The following LMF1 variants were observed in gnomAD, a reference collection of about 807,000 sequenced individuals.
LMF1 encodes lipase maturation factor 1, also known as transmembrane protein 112.
In LMF1, 68 loss-of-function variants were observed where a neutral mutation model predicts 60.6. The ratio of observed to expected loss-of-function variants is 1.12; its 90% confidence interval spans 0.92 to 1.37. LMF1 has a LOEUF of 1.37. LMF1 is among the 40% of genes most tolerant of loss of function. The pLI, the probability that LMF1 is intolerant of heterozygous loss-of-function variation, is 0.00. For missense variants in LMF1, 948 were observed against 767.2 expected (o/e 1.24, Z -2.78); for synonymous variants, 418 against 324.7 (o/e 1.29, Z -3.09).
At chr16:857,213 C>T (rs1324810679) in intron 10 of LMF1, among the ~76,000 whole-genome samples, 1 of 152,232 alleles carries the variant, frequency 6.6e-6, no homozygotes, top group Non-Finnish European at 1.5e-5. Flanking sequence ...GTGACGGCTG[C>T]CGTAAACCTC....
chr16:943,998 C>T (rs1303065647), intron 2 of LMF1, among the ~76,000 whole-genome samples: 1 of 152,182 alleles, frequency 6.6e-6, no homozygotes, highest in Non-Finnish European at 1.5e-5. Flanking sequence ...ATGAGTCTGT[C>T]TGGTAAGCAG....
chr16:950,978 CAGTCAGCCAATGACAG>C (rs1340538803), intron 2 of LMF1, among the ~76,000 whole-genome samples: 9 of 149,058 alleles, frequency 6.0e-5, no homozygotes, highest in South Asian at 2.1e-4. Context: ...CAGCCAACAA[CAGTCAGCCAATGACAG>C]AGTCAGCCAA....
chr16:950,080 GACA>G (rs1346925258), intron 2 of LMF1, among the ~76,000 whole-genome samples: 1 of 91,616 alleles, frequency 1.1e-5, no homozygotes, highest in Non-Finnish European at 2.0e-5. Flanking sequence ...CAGAGTCAGA[GACA>G]ACGACAGAGT....
rs916137990 is a variant in LMF1, at chr16:958,539, A to T, written c.194-3873T>A. On this transcript the variant is annotated intron_variant, in intron 1 of 10. Coordinates refer to ENST00000262301, the MANE Select transcript of LMF1 (RefSeq NM_022773.4). The stretch of plus-strand genomic sequence containing the variant: ...TCATCACTGCGGAAATGCCCATGAA[A>T]ACCACAGCGTGCTGTCACCACACAC... Among the ~76,000 whole-genome samples, 11 of 152,306 alleles carry T rather than the reference A, an allele frequency of 7.2e-5. No individual in the cohort carries two copies. In the South Asian group the frequency reaches 2.3e-3, roughly 32 times the overall value.
chr16:970,644 C>T, intron 1 of LMF1, 144 bp downstream of exon 1: 1 of 745,498 alleles, frequency 1.3e-6, no homozygotes, highest in Non-Finnish European at 2.0e-6. Context: ...CTGCCCGCCC[C>T]GCCTTGCCCG....
At chr16:921,543 C>A (rs1023238334) in intron 3 of LMF1, among the ~76,000 whole-genome samples, 2 of 152,268 alleles carry the variant, frequency 1.3e-5, no homozygotes, top group African/African-American at 4.8e-5. Flanking sequence ...ACAGCTGTAT[C>A]TCTGTACAAA....
At chr16:869,310 G>T (rs1308972457) in intron 9 of LMF1, 4 of 673,638 alleles carry the variant, frequency 5.9e-6, no homozygotes, top group Non-Finnish European at 8.2e-6. Flanking sequence ...GTCCACCCCA[G>T]CACCCTCTGT....
rs60722679 is a variant in LMF1 at position 892,868 on chromosome 16, G to C, written c.729+139C>G. The C allele has an allele frequency of 0.027, 17,644 of 642,284 alleles. 507 individuals are homozygous for C. Among genetic ancestry groups the C allele is most frequent in the South Asian group, 0.085 (3,717 of 43,868 alleles). The allele number at this position is 642,284 out of a possible 1,614,324, so 39.8% of individuals were successfully genotyped here. On this transcript the variant is annotated intron_variant, in intron 5 of 10. Coordinates refer to ENST00000262301, the MANE Select transcript of LMF1 (RefSeq NM_022773.4). ...TGACCACCCACCCCGTGAAGGGAGG[G>C]AGAGGACGTCCTGAATCAATGGGGG...
At chr16:959,995 A>C (rs2072790626) in intron 1 of LMF1, among the ~76,000 whole-genome samples, 1 of 151,994 alleles carries the variant, frequency 6.6e-6, no homozygotes. Context: ...CAGAGAAGCA[A>C]TCAAATGTGT....
chr16:951,747 G>A (rs936891420), intron 2 of LMF1, among the ~76,000 whole-genome samples: 2 of 152,194 alleles, frequency 1.3e-5, no homozygotes, highest in African/African-American at 2.4e-5. Context: ...CAGAGGCGGC[G>A]GAACCTCACA....
chr16:928,126 G>A (rs565444112), intron 3 of LMF1, among the ~76,000 whole-genome samples: 4 of 152,316 alleles, frequency 2.6e-5, no homozygotes, highest in African/African-American at 7.2e-5. Context: ...CAGCCTGGCC[G>A]TCCTGCCTCC....
intron 10 of LMF1, among the ~76,000 whole-genome samples, chr16:860,158 G>A (rs115592176): frequency 4.6e-5 from 7 of 152,196 alleles, no homozygotes; most frequent in Admixed American, 2.0e-4. Context: ...TCAGATACGT[G>A]ACTTGCAAAT....
At chr16:855,531 C>T (rs1008768490) in intron 10 of LMF1, 8 of 364,084 alleles carry the variant, frequency 2.2e-5, no homozygotes, top group East Asian at 7.3e-5. Flanking sequence ...CAGGGTTGCT[C>T]GGCTGCCCCG....
In LMF1 at chr16:854,330, G is replaced by C. The variant is rs755203931; in HGVS notation, c.*202C>G. Reference sequence around the variant, plus strand: ...GGGACAAGGGTTGGCCTGGATGTGGGGCCCCAGGTGGGCAGGGCCTGGGAG... The same window carrying C: ...GGGACAAGGGTTGGCCTGGATGTGGCGCCCCAGGTGGGCAGGGCCTGGGAG... On this transcript the variant is annotated 3_prime_UTR_variant, in exon 11 of 11. Coordinates refer to ENST00000262301, the MANE Select transcript of LMF1 (RefSeq NM_022773.4). 2.8e-6 allele frequency: 2 copies of C among 713,128 alleles called. No homozygotes were observed. The highest frequency in any genetic ancestry group is 3.0e-5 in the South Asian group (2 of 66,926). 44.2% of individuals were successfully genotyped at this position (713,128 alleles called of 1,614,324 possible). A position where few individuals can be genotyped will look rare whatever the true frequency, so the allele number is the denominator to read the frequency against.
chr16:896,110 ACCCACACGCAGGC>A (rs1481253400), intron 4 of LMF1, among the ~76,000 whole-genome samples: 1 of 53,072 alleles, frequency 1.9e-5, no homozygotes, highest in African/African-American at 1.6e-4. Context: ...AGGCTCAGCC[ACCCACACGCAGGC>A]TGCACGGTCC....
At chr16:857,085 G>A (rs1053699902) in intron 10 of LMF1, among the ~76,000 whole-genome samples, 3 of 152,278 alleles carry the variant, frequency 2.0e-5, no homozygotes, top group Non-Finnish European at 2.9e-5. Flanking sequence ...CCGCCAGGTC[G>A]TGTGATGGAG....
chr16:981,329 A>AGG (rs1195609983), upstream of LMF1: 2 of 330,438 alleles, frequency 6.1e-6, no homozygotes, highest in Admixed American at 2.9e-5. Context: ...AGAGAGAGAG[A>AGG]GAGAGAGAGA....
intron 3 of LMF1, among the ~76,000 whole-genome samples, chr16:916,031 G>A (rs1258257708): frequency 1.3e-5 from 2 of 152,204 alleles, no homozygotes; most frequent in Admixed American, 6.5e-5. Flanking sequence ...GAGGGACACG[G>A]GGTAGCCTCC....
intron 2 of LMF1, among the ~76,000 whole-genome samples, chr16:950,510 A>AAC (rs1426331743): frequency 2.3e-4 from 19 of 84,298 alleles, no homozygotes; most frequent in South Asian, 5.6e-4. Context: ...CAGAGATGAC[A>AAC]GAGTCAGAGA....
Sources: gnomAD v4.1 joint callset for allele counts (sites outside exome capture counted in the v4.1 genomes callset) on GRCh38, gnomAD v4.1.1 for gene constraint, MANE v1.5 for transcripts, NCBI Gene and HGNC (gene_info 2026-07-23, HGNC 2026-07-21) for gene names.